ARHGAP22: variants seen among roughly 807,000 people sequenced by gnomAD.
The protein encoded by ARHGAP22 is rho GTPase-activating protein 22.
ARHGAP22 carries 48 observed loss-of-function variants against 59.1 expected under a neutral mutation model. The ratio of observed to expected loss-of-function variants is 0.81; its 90% CI spans 0.64 to 1.03. ARHGAP22 has a LOEUF of 1.03. ARHGAP22 is among the 50% of genes least tolerant of loss of function. The pLI is 0.00. For synonymous variants in ARHGAP22, 445 were observed against 416.4 expected (o/e 1.07, Z -0.84); for missense variants, 1,015 against 958.7 (o/e 1.06, Z -0.78).
In ARHGAP22 at chr10:48,532,321, G is replaced by A. The variant is rs114014424; in HGVS notation, c.322+23142C>T. ...TGGTGAGGGTCTCATCTGGGCCTGC[G>A]TCCCTGCCCCCACCCCCTTCTCCCA... On this transcript the variant is annotated intron_variant, in intron 3 of 9. Coordinates refer to ENST00000249601, the MANE Select transcript of ARHGAP22 (RefSeq NM_021226.4). Among the ~76,000 whole-genome samples the A allele has an allele frequency of 1.2e-4, 18 of 151,938 alleles. 1 individual carries two copies. The highest frequency in any genetic ancestry group is 2.4e-4 in the Non-Finnish European group (16 of 67,994).
rs140229719 is a variant in ARHGAP22, at chr10:48,643,295, A to G, written c.52+8939T>C. On this transcript the variant is annotated intron_variant, in intron 1 of 9. Coordinates refer to the ARHGAP22 transcript ENST00000435790. ...TTATAAAGACACATGCACACGCCGC[A>G]ATAAACACGCATGTTTATTGCGGCA... Among the ~76,000 whole-genome samples, 1,113 of 152,076 alleles carry G rather than the reference A, an allele frequency of 7.3e-3. 13 individuals are homozygous for G. The highest frequency in any genetic ancestry group is 0.026 in the African/African-American group (1,062 of 41,514).
chr10:48,479,074 C>G (rs1347005684), intron 4 of ARHGAP22: 4 of 154,116 alleles, frequency 2.6e-5, no homozygotes, highest in Non-Finnish European at 4.3e-5. Context: ...GGTCTTCACT[C>G]CCTCGGGGCC....
intron 1 of ARHGAP22, among the ~76,000 whole-genome samples, chr10:48,636,000 A>G (rs2061801184): frequency 6.6e-6 from 1 of 152,178 alleles, no homozygotes; most frequent in South Asian, 2.1e-4. Flanking sequence ...GGTGATCTCA[A>G]TGTTGTTATT....
Position 48,455,018 on chromosome 10 carries a change from G to A in ARHGAP22, c.776C>T (p.Thr259Ile), listed in dbSNP as rs989981152. ...EDFLSCAQLLTKDEGEGTLEL... is the reference protein window; with the variant it reads ...EDFLSCAQLLIKDEGEGTLEL... ...GCCACTGACCTCCCCCTCGTCCTTG[G>A]TGAGCAGCTGGGCGCAGCTGAGGAA... The change falls in exon 6 of 10, where the codon ACC becomes ATC. Residue 259 changes from threonine to isoleucine, a missense_variant. Coordinates refer to ENST00000249601, the MANE Select transcript of ARHGAP22 (RefSeq NM_021226.4). The A allele has an allele frequency of 6.2e-7, 1 of 1,605,384 alleles. No homozygotes were observed. The highest frequency in any genetic ancestry group is 1.7e-5 in the Admixed American group (1 of 59,712).
rs188304724 is a variant in ARHGAP22, at chr10:48,630,193, G to A, written c.52+22041C>T. 4.9e-3 allele frequency among the ~76,000 whole-genome samples: 743 copies of A among 152,306 alleles called. 2 individuals carry two copies. Among genetic ancestry groups the A allele is most frequent in the Non-Finnish European group, 8.8e-3 (599 of 68,030 alleles). ...TGCAACCTCCACCTCCCTGGTTCAAGTGATTCTCCTGCCTCAGCCTCCTGA... is the reference window on the plus strand; with the variant it reads ...TGCAACCTCCACCTCCCTGGTTCAAATGATTCTCCTGCCTCAGCCTCCTGA... On this transcript the variant is annotated intron_variant, in intron 1 of 9. Coordinates refer to the ARHGAP22 transcript ENST00000435790.
At chr10:48,635,800 T>C (rs904858820) in intron 1 of ARHGAP22, among the ~76,000 whole-genome samples, 1 of 152,184 alleles carries the variant, frequency 6.6e-6, no homozygotes. Flanking sequence ...CAAGCCCTTG[T>C]CTTAGGCTCT....
At chr10:48,475,643 C>G (rs994337655) in intron 4 of ARHGAP22, among the ~76,000 whole-genome samples, 3 of 152,224 alleles carry the variant, frequency 2.0e-5, no homozygotes, top group African/African-American at 7.2e-5. Flanking sequence ...ACCACTGGCT[C>G]TACCTTCAGA....
intron 1 of ARHGAP22, among the ~76,000 whole-genome samples, chr10:48,598,172 G>A (rs1223201588): frequency 6.6e-6 from 1 of 152,256 alleles, no homozygotes; most frequent in African/African-American, 2.4e-5. Context: ...TCTTCCGTGG[G>A]AAGAGAAACT....
At chr10:48,630,836 T>C (rs1239357014) in intron 1 of ARHGAP22, among the ~76,000 whole-genome samples, 1 of 152,226 alleles carries the variant, frequency 6.6e-6, no homozygotes, top group Non-Finnish European at 1.5e-5. Flanking sequence ...GTTGAATAAG[T>C]GTGGTGAATT....
Position 48,603,917 on chromosome 10 carries a change from T to C in ARHGAP22, c.34+846A>G, listed in dbSNP as rs113753139. On this transcript the variant is annotated intron_variant, in intron 1 of 9. Coordinates refer to ENST00000249601, the MANE Select transcript of ARHGAP22 (RefSeq NM_021226.4). ...AACTGTTTCCAAGCTCCCAGGCAAA[T>C]GCTCCATCCACCTCCAAAGACCCAT... 9.1e-3 allele frequency among the ~76,000 whole-genome samples: 1,382 copies of C among 152,308 alleles called. 17 individuals are homozygous for C. Among genetic ancestry groups the C allele is most frequent in the African/African-American group, 0.032 (1,319 of 41,558 alleles).
chr10:48,628,607 T>G (rs1181849680), intron 1 of ARHGAP22, among the ~76,000 whole-genome samples: 3 of 152,236 alleles, frequency 2.0e-5, no homozygotes, highest in African/African-American at 7.2e-5. Flanking sequence ...GAAATCTGCT[T>G]TCAAGGCATT....
chr10:48,531,126 T>C (rs576665881), intron 3 of ARHGAP22, among the ~76,000 whole-genome samples: 3 of 152,324 alleles, frequency 2.0e-5, no homozygotes, highest in African/African-American at 7.2e-5. Context: ...TTGCAGCAAC[T>C]TAGATGGGAC....
chr10:48,596,854 G>T (rs2060095782), intron 1 of ARHGAP22, among the ~76,000 whole-genome samples: 1 of 152,140 alleles, frequency 6.6e-6, no homozygotes, highest in South Asian at 2.1e-4. Flanking sequence ...GATGTGGAGG[G>T]CCTCTGTGAG....
downstream of ARHGAP22, among the ~76,000 whole-genome samples, chr10:48,443,652 G>A (rs2045255230): frequency 3.3e-5 from 5 of 152,210 alleles, no homozygotes; most frequent in South Asian, 1.0e-3. Context: ...ATACTGGGAG[G>A]GCTCTGCAGG....
the ARHGAP22 span, chr10:48,429,969 AGAT>A: frequency 1.3e-5 from 2 of 152,242 alleles, no homozygotes; most frequent in African/African-American, 4.8e-5. Flanking sequence ...GACCCAAAGA[AGAT>A]GATAAATAGT....
chr10:48,489,968 C>G (rs1337786903), intron 3 of ARHGAP22, among the ~76,000 whole-genome samples: 1 of 152,080 alleles, frequency 6.6e-6, no homozygotes. Context: ...CTCCTGACCT[C>G]GTGATCCACC....
intron 4 of ARHGAP22, among the ~76,000 whole-genome samples, chr10:48,473,071 T>C (rs2048375042): frequency 6.6e-6 from 1 of 152,194 alleles, no homozygotes; most frequent in Non-Finnish European, 1.5e-5. Flanking sequence ...TTATTCACAA[T>C]AGTTGAAACA....
chr10:48,456,574 G>A (rs1445684123), intron 5 of ARHGAP22, among the ~76,000 whole-genome samples: 3 of 152,264 alleles, frequency 2.0e-5, no homozygotes, highest in South Asian at 2.1e-4. Context: ...TGAGTGGAGC[G>A]CAAGAGACTG....
At chr10:48,590,102 A>T (rs1386780607) in intron 1 of ARHGAP22, among the ~76,000 whole-genome samples, 2 of 152,048 alleles carry the variant, frequency 1.3e-5, no homozygotes, top group Admixed American at 1.3e-4. Context: ...GTGAGGGTAC[A>T]CAAGGGCCAC....
Sources: allele counts gnomAD v4.1 joint callset (sites outside exome capture counted in the v4.1 genomes callset), GRCh38; gene constraint gnomAD v4.1.1; transcripts MANE v1.5; gene names NCBI Gene and HGNC (gene_info 2026-07-23, HGNC 2026-07-21).